Variants in CR1L observed in about 807,000 individuals in gnomAD.
CR1L encodes the protein complement C3b/C4b receptor 1 like.
A neutral mutation model predicts 62.3 loss-of-function variants in CR1L; 59 were observed. That is an observed-to-expected ratio of 0.95 (90% confidence interval 0.77 to 1.18). CR1L has a LOEUF of 1.18. Ranked by LOEUF, CR1L falls within the 50% of genes most tolerant of loss-of-function variation. The probability of loss-of-function intolerance (pLI) is 0.00; values close to 1 mark genes in which losing one functional copy is unlikely to be tolerated. For synonymous variants in CR1L, 279 were observed against 248.7 expected, an observed-to-expected ratio of 1.12 and a Z score of -1.15; for missense variants, 700 against 702.8, an observed-to-expected ratio of 1.00 and a Z score of 0.04.
chr1:207,651,637 G>A (rs1023227330), intron 1 of CR1L, among the ~76,000 whole-genome samples: 2 of 151,744 alleles, frequency 1.3e-5, no homozygotes, highest in Non-Finnish European at 2.9e-5. Flanking sequence ...AAGATGAGTT[G>A]CCGCAGTAGA....
intron 8 of CR1L, among the ~76,000 whole-genome samples, chr1:207,700,722 CAT>C (rs5780396): frequency 0.061 from 9,247 of 152,184 alleles, 614 homozygotes; most frequent in East Asian, 0.37. Context: ...GATTAGCACA[CAT>C]ATATACATTT....
chr1:207,697,222 G>A (rs1664112065), intron 5 of CR1L, among the ~76,000 whole-genome samples: 2 of 152,274 alleles, frequency 1.3e-5, no homozygotes, highest in East Asian at 1.9e-4. Context: ...CATTCTAGAA[G>A]GAACTGTCCA....
intron 4 of CR1L, among the ~76,000 whole-genome samples, chr1:207,693,982 C>G (rs916140453): frequency 5.3e-5 from 8 of 151,894 alleles, no homozygotes; most frequent in African/African-American, 1.9e-4. Context: ...TATCTTTTGG[C>G]AAAGGTTTTT....
rs1017778578 is a variant in CR1L, at chr1:207,697,493, C to G, written c.863-10C>G. On this transcript the variant is annotated splice_polypyrimidine_tract_variant and intron_variant, in intron 5 of 11. Coordinates refer to ENST00000508064, the MANE Select transcript of CR1L (RefSeq NM_175710.2). ...ACACAATTAGCAGTACTTTGTTTCT[C>G]TCTCCCCAGTATGTCAGCCACCTCC... 2.1e-5 allele frequency: 34 copies of G among 1,613,652 alleles called. No homozygotes were observed. Among genetic ancestry groups the G allele is most frequent in the Non-Finnish European group, 2.9e-5 (34 of 1,179,724 alleles).
rs187258635 is a variant in CR1L, at chr1:207,663,120, C to G, written c.98-14269C>G. 3.9e-5 allele frequency among the ~76,000 whole-genome samples: 6 copies of G among 152,296 alleles called. No individual in the cohort carries two copies. The South Asian group carries it at 1.2e-3, about 32-fold the overall frequency. On this transcript the variant is annotated intron_variant, in intron 1 of 11. Transcript: ENST00000508064. ...GACCCACTTGAGGAGGTAGTCTGCCCGTTCTCAGATCTCAAGCTGCGTGCT... is the reference window on the plus strand; with the variant it reads ...GACCCACTTGAGGAGGTAGTCTGCCGGTTCTCAGATCTCAAGCTGCGTGCT...
At chr1:207,679,140 G>T (rs1476998367) in intron 3 of CR1L, among the ~76,000 whole-genome samples, 1 of 149,780 alleles carries the variant, frequency 6.7e-6, no homozygotes, top group African/African-American at 2.5e-5. Flanking sequence ...TGGGACAACA[G>T]GTGCCCACCA....
At chr1:207,680,123 G>T (rs1286124802) in intron 3 of CR1L, among the ~76,000 whole-genome samples, 1 of 152,188 alleles carries the variant, frequency 6.6e-6, no homozygotes. Flanking sequence ...ACCATGATGT[G>T]TCAGCGTAGG....
intron 1 of CR1L, among the ~76,000 whole-genome samples, chr1:207,673,267 GTTTAT>G (rs1482507475): frequency 1.3e-5 from 2 of 152,004 alleles, no homozygotes; most frequent in South Asian, 2.1e-4. Flanking sequence ...CATTTAAAAT[GTTTAT>G]TTTATCTGTT....
intron 1 of CR1L, among the ~76,000 whole-genome samples, chr1:207,665,348 C>T (rs1162710720): frequency 1.3e-5 from 2 of 152,034 alleles, no homozygotes. Flanking sequence ...GCTGTAGTGA[C>T]CATTCTTGTA....
At chr1:207,696,810 C>A (rs137882788) in intron 5 of CR1L, among the ~76,000 whole-genome samples, 1 of 152,184 alleles carries the variant, frequency 6.6e-6, no homozygotes, top group Non-Finnish European at 1.5e-5. Flanking sequence ...AGAGAGCCAG[C>A]GCTGCCCTTA....
At chr1:207,706,478 T>TA (rs767414228) in intron 9 of CR1L, among the ~76,000 whole-genome samples, 1 of 151,846 alleles carries the variant, frequency 6.6e-6, no homozygotes, top group East Asian at 1.9e-4. Context: ...AATTATGTAT[T>TA]AAAAAAATTC....
chr1:207,706,310 A>G (rs945072106), intron 9 of CR1L, among the ~76,000 whole-genome samples: 14 of 151,918 alleles, frequency 9.2e-5, no homozygotes, highest in African/African-American at 3.4e-4. Context: ...AGTCACAGCT[A>G]CACAGGAGAC....
At chr1:207,683,378 C>T (rs1663835414) in intron 3 of CR1L, among the ~76,000 whole-genome samples, 1 of 152,098 alleles carries the variant, frequency 6.6e-6, no homozygotes, top group Non-Finnish European at 1.5e-5. Flanking sequence ...CTCAAGCAGT[C>T]CTCCTACCTC....
At chr1:207,704,714 A>T (rs1184491725) in intron 9 of CR1L, among the ~76,000 whole-genome samples, 1 of 152,224 alleles carries the variant, frequency 6.6e-6, no homozygotes, top group Non-Finnish European at 1.5e-5. Flanking sequence ...AATCTTTAGC[A>T]TTTTTTACCA....
In CR1L at chr1:207,681,924, A is replaced by G. The variant is rs1044149078; in HGVS notation, c.378-1948A>G. On this transcript the variant is annotated intron_variant, in intron 3 of 11. Coordinates refer to ENST00000508064, the MANE Select transcript of CR1L (RefSeq NM_175710.2). ...GTACTAGAAGGCATTAAAAAACAAA[A>G]TGAGAAGTGGGAATTGAACAATGTG... 4.7e-5 allele frequency among the ~76,000 whole-genome samples: 7 copies of G among 149,446 alleles called. No individual in the cohort carries two copies. In the East Asian group the frequency reaches 1.2e-3, roughly 26 times the overall value.
chr1:207,711,779 C>A (rs1382641366), intron 10 of CR1L, among the ~76,000 whole-genome samples: 1 of 151,874 alleles, frequency 6.6e-6, no homozygotes, highest in Non-Finnish European at 1.5e-5. Flanking sequence ...AGGTGGCTCG[C>A]ACCTGAAATC....
intron 5 of CR1L, among the ~76,000 whole-genome samples, chr1:207,696,314 G>T (rs1359910546): frequency 6.6e-6 from 1 of 152,216 alleles, no homozygotes; most frequent in Non-Finnish European, 1.5e-5. Context: ...GCCACTGCCT[G>T]AGCCACCTCT....
At position 207,721,298 on chromosome 1, in the gene CR1L, C is replaced by A. The variant is rs1036399998; in HGVS notation, c.1643-2320C>A. On this transcript the variant is annotated intron_variant, in intron 11 of 11. Coordinates refer to ENST00000508064, the MANE Select transcript of CR1L (RefSeq NM_175710.2). ...TGCTGGTGTGCTGCAACCACTAACT[C>A]GTCATCTAGCATTAGGTATATCTCC... 2.0e-5 allele frequency among the ~76,000 whole-genome samples: 3 copies of A among 151,052 alleles called. No individual in the cohort carries two copies. The East Asian group carries it at 5.8e-4, about 29-fold the overall frequency.
At chr1:207,693,284 A>G (rs548707298) in intron 4 of CR1L, among the ~76,000 whole-genome samples, 1 of 152,028 alleles carries the variant, frequency 6.6e-6, no homozygotes. Flanking sequence ...TTCCTGGCTA[A>G]TTTTTGTATT....
Sources: allele counts gnomAD v4.1 joint callset (sites outside exome capture counted in the v4.1 genomes callset), GRCh38; gene constraint gnomAD v4.1.1; transcripts MANE v1.5; gene names NCBI Gene and HGNC (gene_info 2026-07-23, HGNC 2026-07-21).